ZNF799: variants seen among roughly 807,000 people sequenced by gnomAD.
ZNF799 encodes zinc finger protein 14.
A neutral mutation model predicts 41.0 loss-of-function variants in ZNF799; 28 were observed. That is an observed-to-expected ratio of 0.68 (90% CI 0.51 to 0.94). The LOEUF (loss-of-function observed/expected upper bound fraction) is 0.94. ZNF799 is among the 40% of genes least tolerant of loss of function. The pLI is 0.00. For missense variants in ZNF799, 716 were observed against 764.3 expected, an observed-to-expected ratio of 0.94 and a Z score of 0.74; for synonymous variants, 213 against 252.9, an observed-to-expected ratio of 0.84 and a Z score of 1.50.
intron 1 of ZNF799, among the ~76,000 whole-genome samples, chr19:12,396,335 A>G (rs1331518609): frequency 2.0e-5 from 3 of 152,270 alleles, no homozygotes; most frequent in Non-Finnish European, 4.4e-5. Flanking sequence ...ACAGATATAG[A>G]GATAAAATAA....
At chr19:12,410,254 C>CATATAT in the ZNF799 span, among the ~76,000 whole-genome samples, 25 of 61,986 alleles carry the variant, frequency 4.0e-4, no homozygotes, top group African/African-American at 4.8e-4. Flanking sequence ...TGTCTGTGTG[C>CATATAT]ATATATATAT....
the ZNF799 span, among the ~76,000 whole-genome samples, chr19:12,407,015 A>G: frequency 6.6e-6 from 1 of 152,236 alleles, no homozygotes; most frequent in Non-Finnish European, 1.5e-5. Context: ...AGTTGTGACT[A>G]ACTAAAGAAA....
rs753630823 is a variant in ZNF799, at chr19:12,390,939, A to G, written c.1459T>C (p.Cys487Arg). Residue 487 changes from cysteine to arginine, a missense_variant, in exon 4 of 4, where the codon TGT becomes CGT. This residue lies in a region of ZNF799 where 698 missense variants were observed against 713.6 expected (regional missense o/e 0.98). Transcript: ENST00000430385. ...ECKECGKAFS[C>R]FQYLSQHRRT... ...CTATGTTGAGAAAGGTATTGGAAAC[A>G]ACTGAATGCTTTCCCACATTCCTTA... The G allele has an allele frequency of 1.4e-5, 22 of 1,613,932 alleles. No homozygotes were observed. The highest frequency in any genetic ancestry group is 2.7e-5 in the African/African-American group (2 of 74,892).
chr19:12,390,190 T>C lies in ZNF799; in HGVS notation c.*276A>G, dbSNP rs1969786154. 3.4e-6 allele frequency: 2 copies of C among 588,780 alleles called. No homozygotes were observed. The highest frequency in any genetic ancestry group is 5.9e-6 in the Non-Finnish European group (2 of 341,820). The allele number at this position is 588,780 out of a possible 1,614,324, so 36.5% of individuals were successfully genotyped here. On this transcript the variant is annotated 3_prime_UTR_variant, in exon 4 of 4. Transcript: ENST00000430385. ...TTTACAATGCATGAGGTATTTTAAG[T>C]AATCTAGACATAATTGAGAGTATAC...
rs370285412 is a variant in ZNF799 at position 12,391,484 on chromosome 19, T to C, written c.914A>G (p.Asp305Gly). The C allele has an allele frequency of 4.3e-6, 7 of 1,613,834 alleles. No homozygotes were observed. The highest frequency in any genetic ancestry group is 1.3e-5 in the African/African-American group (1 of 74,878). ...TTGCTGACATGCATAGGGTTTCTCA[T>C]CAGTGTGAGTTGTTTCGTGTCTTCG... ...SLRRHETTHT[D>G]EKPYACQQCG... is the part of the protein sequence containing the mutation. Residue 305 changes from aspartate to glycine, a missense_variant, in exon 4 of 4, where the codon GAT (aspartate) becomes GGT (glycine). Asp to Gly is a moderately conservative substitution (Grantham distance 94). This residue lies in a region of ZNF799 where 698 missense variants were observed against 713.6 expected (regional missense o/e 0.98). Coordinates refer to ENST00000430385, the MANE Select transcript of ZNF799 (RefSeq NM_001080821.3).
the ZNF799 span, among the ~76,000 whole-genome samples, chr19:12,410,432 C>A: frequency 6.6e-6 from 1 of 151,710 alleles, no homozygotes; most frequent in African/African-American, 2.4e-5. Context: ...TAATGCCCAG[C>A]CTTAGCGAAA....
chr19:12,408,349 AAAG>A, the ZNF799 span, among the ~76,000 whole-genome samples: 11 of 152,304 alleles, frequency 7.2e-5, no homozygotes, highest in South Asian at 2.1e-4. Flanking sequence ...AGGCAGAAAA[AAAG>A]AAGTTGAAAA....
chr19:12,401,778 G>A (rs1423699734), upstream of ZNF799, among the ~76,000 whole-genome samples: 4 of 151,974 alleles, frequency 2.6e-5, no homozygotes, highest in Admixed American at 1.3e-4. Context: ...GTTTCACCAT[G>A]TTGGCCAGGC....
chr19:12,404,967 C>T (rs895440536), upstream of ZNF799, among the ~76,000 whole-genome samples: 7 of 152,094 alleles, frequency 4.6e-5, no homozygotes, highest in Non-Finnish European at 8.8e-5. Context: ...GACAGATCCA[C>T]CATTAATCTG....
chr19:12,406,194 A>G (rs1970028998), upstream of ZNF799, among the ~76,000 whole-genome samples: 1 of 149,746 alleles, frequency 6.7e-6, no homozygotes, highest in Non-Finnish European at 1.5e-5. Context: ...AAGAAAAAAA[A>G]AAAGGCCCGG....
At chr19:12,405,788 G>T (rs940729903), upstream of ZNF799, among the ~76,000 whole-genome samples, 4 of 152,110 alleles carry the variant, frequency 2.6e-5, no homozygotes, top group African/African-American at 9.7e-5. Context: ...AAATTATGAA[G>T]AATACAGAGA....
Position 12,401,194 on chromosome 19 carries a change from C to A in ZNF799, c.-124G>T, listed in dbSNP as rs1969979886. 1.3e-6 allele frequency: 2 copies of A among 1,573,840 alleles called. No homozygotes were observed. Among genetic ancestry groups the A allele is most frequent in the Non-Finnish European group, 1.7e-6 (2 of 1,161,558 alleles). On this transcript the variant is annotated 5_prime_UTR_variant, in exon 1 of 4. Transcript: ENST00000430385. ...CTTAGCTACAGAGCCGAGCACCGAGCGCCCAGCGCAGGTGGGTGGAGAAGA... is the reference window on the plus strand; with the variant it reads ...CTTAGCTACAGAGCCGAGCACCGAGAGCCCAGCGCAGGTGGGTGGAGAAGA...
chr19:12,414,901 G>A, the ZNF799 span, among the ~76,000 whole-genome samples: 3 of 152,094 alleles, frequency 2.0e-5, no homozygotes, highest in South Asian at 4.1e-4. Flanking sequence ...CACTCAACTC[G>A]CCCTCCTATC....
rs757605357 is a variant in ZNF799, at chr19:12,391,971, G to A, written c.427C>T (p.His143Tyr). The A allele has an allele frequency of 8.7e-6, 14 of 1,614,032 alleles. No homozygotes were observed. Among genetic ancestry groups the A allele is most frequent in the East Asian group, 4.5e-5 (2 of 44,898 alleles). The part of the protein sequence containing the change: ...YHECGEKPDT[H>Y]KQRGKAFSYH... ...CTGAAGGCTTTCCCACGTTGTTTATGCGTATCTGGCTTCTCTCCACATTCA... is the reference window on the plus strand; with the variant it reads ...CTGAAGGCTTTCCCACGTTGTTTATACGTATCTGGCTTCTCTCCACATTCA... The change falls in exon 4 of 4, where the codon CAT (histidine) becomes TAT (tyrosine). Residue 143 changes from histidine to tyrosine, a missense_variant. By Grantham distance (83) the His-to-Tyr change is moderately conservative. Coordinates refer to ENST00000430385, the MANE Select transcript of ZNF799 (RefSeq NM_001080821.3).
Position 12,401,188 on chromosome 19 carries a change from A to C in ZNF799, c.-118T>G. ...TCGTCTCTTAGCTACAGAGCCGAGC[A>C]CCGAGCGCCCAGCGCAGGTGGGTGG... On this transcript the variant is annotated 5_prime_UTR_variant, in exon 1 of 4. Transcript: ENST00000430385. 1 of 1,584,464 alleles carries C rather than the reference A, an allele frequency of 6.3e-7. No homozygotes were observed. Among genetic ancestry groups the C allele is most frequent in the Non-Finnish European group, 8.6e-7 (1 of 1,166,882 alleles).
chr19:12,392,689 T>C (rs753921221), intron 2 of ZNF799, 26 bp from the exon 3 acceptor site: 28 of 1,537,956 alleles, frequency 1.8e-5, no homozygotes, highest in Non-Finnish European at 2.3e-5. Flanking sequence ...AGAAAAATCA[T>C]TACAAATTTT....
chr19:12,409,118 T>C, the ZNF799 span, among the ~76,000 whole-genome samples: 1 of 152,118 alleles, frequency 6.6e-6, no homozygotes, highest in African/African-American at 2.4e-5. Context: ...AATTTTCCCA[T>C]GGAATTGCGC....
intron 1 of ZNF799, among the ~76,000 whole-genome samples, chr19:12,396,966 A>AT (rs1338313520): frequency 6.6e-6 from 1 of 152,262 alleles, no homozygotes; most frequent in Non-Finnish European, 1.5e-5. Context: ...ATATGCATAT[A>AT]TATGAAGAGC....
At chr19:12,397,614 C>T (rs1969916276) in intron 1 of ZNF799, among the ~76,000 whole-genome samples, 2 of 144,498 alleles carry the variant, frequency 1.4e-5, no homozygotes, top group Admixed American at 1.4e-4. Flanking sequence ...AACAAGTAGA[C>T]TTACCATACT....
Sources: gnomAD v4.1 joint callset for allele counts (sites outside exome capture counted in the v4.1 genomes callset) on GRCh38, gnomAD v4.1.1 for gene constraint, gnomAD v4.1.1 regional missense constraint, MANE v1.5 for transcripts, NCBI Gene and HGNC (gene_info 2026-07-23, HGNC 2026-07-21) for gene names.